Variants in DOCK3 observed in about 807,000 individuals in gnomAD.
The protein encoded by DOCK3 is dedicator of cytokinesis 3.
A neutral mutation model predicts 265.6 loss-of-function variants in DOCK3; 60 were observed. That is an observed-to-expected ratio of 0.23 (90% CI 0.18 to 0.28). The LOEUF is 0.28. DOCK3 is among the 10% of genes least tolerant of loss of function. The probability of loss-of-function intolerance (pLI) is 1.00; values close to 1 mark genes in which losing one functional copy is unlikely to be tolerated. For synonymous variants in DOCK3, 881 were observed against 938.0 expected (o/e 0.94, Z 1.11); for missense variants, 1,981 against 2,594.3 (o/e 0.76, Z 5.14).
chr3:51,204,024 T>A (rs1431358891), intron 12 of DOCK3, among the ~76,000 whole-genome samples: 25 of 151,004 alleles, frequency 1.7e-4, no homozygotes, highest in African/African-American at 5.8e-4. Context: ...TCAAGATGGA[T>A]TAAAGACTTA....
chr3:51,123,374 T>G (rs2084120166), intron 9 of DOCK3, among the ~76,000 whole-genome samples: 1 of 152,236 alleles, frequency 6.6e-6, no homozygotes, highest in Admixed American at 6.5e-5. Flanking sequence ...ATACAGTCTC[T>G]GCTGCTTTGC....
chr3:51,165,448 G>A (rs1182396659), intron 12 of DOCK3, among the ~76,000 whole-genome samples: 1 of 152,086 alleles, frequency 6.6e-6, no homozygotes, highest in African/African-American at 2.4e-5. Context: ...CTTTTCTTGT[G>A]GTAAGAACAC....
At chr3:51,002,022 T>G (rs1344386502) in intron 5 of DOCK3, among the ~76,000 whole-genome samples, 1 of 152,110 alleles carries the variant, frequency 6.6e-6, no homozygotes. Flanking sequence ...CATTGCTCAC[T>G]GCCATCTCAA....
intron 1 of DOCK3, among the ~76,000 whole-genome samples, chr3:50,764,945 A>G (rs1278278972): frequency 2.6e-5 from 4 of 151,804 alleles, no homozygotes. Context: ...TGTTTTTAGT[A>G]GTGGTGGGAT....
At chr3:50,845,910 A>C (rs2046056913) in intron 3 of DOCK3, among the ~76,000 whole-genome samples, 1 of 152,176 alleles carries the variant, frequency 6.6e-6, no homozygotes, top group Non-Finnish European at 1.5e-5. Flanking sequence ...CAAAATGTTG[A>C]TAATTGTTGA....
chr3:51,091,376 A>G (rs2082629487), intron 9 of DOCK3, among the ~76,000 whole-genome samples: 4 of 152,040 alleles, frequency 2.6e-5, no homozygotes, highest in Admixed American at 2.6e-4. Context: ...AATATATGAA[A>G]CAGATAAAAC....
At chr3:50,710,098 A>G (rs2036658665) in intron 1 of DOCK3, among the ~76,000 whole-genome samples, 1 of 152,174 alleles carries the variant, frequency 6.6e-6, no homozygotes, top group South Asian at 2.1e-4. Flanking sequence ...TCTTCTAAAC[A>G]TTGGCTTAGG....
intron 19 of DOCK3, among the ~76,000 whole-genome samples, chr3:51,231,034 C>T (rs1428280494): frequency 6.6e-6 from 1 of 151,310 alleles, no homozygotes; most frequent in South Asian, 2.1e-4. Context: ...CTGCTTCCCA[C>T]AGGAGCTAAA....
At chr3:51,049,652 AT>A (rs1487495884) in intron 5 of DOCK3, among the ~76,000 whole-genome samples, 1 of 152,170 alleles carries the variant, frequency 6.6e-6, no homozygotes, top group East Asian at 1.9e-4. Flanking sequence ...TGGATTAGCG[AT>A]GCTCAACCTG....
rs550237703 is a variant in DOCK3, at chr3:51,254,915, G to A, written c.2185-5241G>A. On this transcript the variant is annotated intron_variant, in intron 22 of 52. Transcript: ENST00000266037. ...GTGAATTTGATCCTGTCATTATGAT[G>A]TTAGCTGGTTATTTTGCTCGTTAAT... 2.0e-5 allele frequency among the ~76,000 whole-genome samples: 3 copies of A among 152,284 alleles called. No individual in the cohort carries two copies. The South Asian group carries it at 6.2e-4, about 32-fold the overall frequency.
Position 51,381,077 on chromosome 3 carries a change from C to G in DOCK3, c.5611C>G (p.Pro1871Ala), listed in dbSNP as rs2088596073. The change falls in exon 53 of 53, where the codon CCC becomes GCC. Residue 1871 changes from proline to alanine, a missense_variant. Physicochemically the swap from Pro to Ala is conservative, Grantham distance 27. Around this residue, in one of 4 missense-constraint regions of DOCK3, gnomAD observed 1,357 missense variants for 1,866.8 expected, o/e 0.73. Transcript: ENST00000266037. This position sits in a 1 kb window ranked among gnomAD's most constrained non-coding sequence, Gnocchi z 5.6. ...TCCTCTCCACCCTATCCCAGCCTCC[C>G]CCACAAGCCCCCAGTCAGGTCTGGA... ...KSPLHPIPAS[P>A]TSPQSGLDGS... 6.2e-7 allele frequency: 1 copy of G among 1,606,882 alleles called. No individual in the cohort carries two copies. Among genetic ancestry groups the G allele is most frequent in the Admixed American group, 1.7e-5 (1 of 59,800 alleles).
chr3:51,298,161 A>G (rs6445604), intron 27 of DOCK3, among the ~76,000 whole-genome samples: 125,043 of 152,142 alleles, frequency 0.82, 51,979 homozygotes, highest in Middle Eastern at 0.9. Flanking sequence ...CTATTTCTTC[A>G]TGAATGAACT....
At chr3:51,057,855 T>TGTAAAG (rs1163023551) in intron 5 of DOCK3, among the ~76,000 whole-genome samples, 1 of 152,192 alleles carries the variant, frequency 6.6e-6, no homozygotes, top group East Asian at 1.9e-4. Flanking sequence ...CTTTACACAG[T>TGTAAAG]TGGTGTAGGA....
intron 1 of DOCK3, among the ~76,000 whole-genome samples, chr3:50,752,391 C>T (rs969180035): frequency 1.3e-4 from 20 of 152,042 alleles, no homozygotes; most frequent in African/African-American, 4.6e-4. Context: ...CACCTGTAGT[C>T]CCAGCTACTC....
intron 14 of DOCK3, among the ~76,000 whole-genome samples, chr3:51,222,149 A>C (rs925430720): frequency 6.6e-6 from 1 of 152,192 alleles, no homozygotes; most frequent in African/African-American, 2.4e-5. Flanking sequence ...CTAACCTCCA[A>C]AACCACTGCT....
intron 7 of DOCK3, among the ~76,000 whole-genome samples, chr3:51,081,415 C>G (rs1387835751): frequency 6.6e-6 from 1 of 152,006 alleles, no homozygotes; most frequent in African/African-American, 2.4e-5. Context: ...TCTATAATAA[C>G]TAATTATAAA....
intron 12 of DOCK3, among the ~76,000 whole-genome samples, chr3:51,179,286 C>G (rs560917440): frequency 2.6e-5 from 4 of 152,344 alleles, no homozygotes; most frequent in African/African-American, 9.6e-5. Flanking sequence ...TACAATGCAT[C>G]ATACCAGTCA....
chr3:51,185,252 A>G (rs901034130), intron 12 of DOCK3, among the ~76,000 whole-genome samples: 8 of 152,194 alleles, frequency 5.3e-5, no homozygotes, highest in African/African-American at 1.9e-4. Context: ...CAAATGTACA[A>G]TAAAATAAAG....
chr3:51,189,292 G>T (rs1238901340), intron 12 of DOCK3, among the ~76,000 whole-genome samples: 1 of 151,958 alleles, frequency 6.6e-6, no homozygotes, highest in East Asian at 1.9e-4. Flanking sequence ...AGCTTTTGGG[G>T]TACAGGTGGT....
Sources: gnomAD v4.1 joint callset for allele counts (sites outside exome capture counted in the v4.1 genomes callset) on GRCh38, gnomAD v4.1.1 for gene constraint, gnomAD v4.1.1 regional missense constraint, Gnocchi (gnomAD v3.1) non-coding constraint, MANE v1.5 for transcripts, NCBI Gene and HGNC (gene_info 2026-07-23, HGNC 2026-07-21) for gene names.